Variants in KLF8 observed in about 807,000 individuals in gnomAD.
KLF8 encodes Krueppel-like factor 8.
KLF8 carries 10 observed loss-of-function variants against 18.2 expected under a neutral mutation model. The ratio of observed to expected loss-of-function variants is 0.55; its 90% CI spans 0.34 to 0.93. KLF8 has a LOEUF of 0.93. Ranked by LOEUF, KLF8 falls within the 40% of genes least tolerant of loss-of-function variation. The pLI is 0.02. For missense variants in KLF8, 264 were observed against 277.9 expected (o/e 0.95, Z 0.36); for synonymous variants, 109 against 97.3 (o/e 1.12, Z -0.71).
the KLF8 span, among the ~76,000 whole-genome samples, chrX:56,129,893 C>G: frequency 2.7e-5 from 3 of 110,022 alleles, no homozygotes; most frequent in Non-Finnish European, 5.7e-5. Context: ...CCTGTAACTT[C>G]TAGCTTTCCC....
At chrX:56,057,119 A>G in the KLF8 span, among the ~76,000 whole-genome samples, 5 of 111,207 alleles carry the variant, frequency 4.5e-5, no homozygotes, top group African/African-American at 1.6e-4. Context: ...CCTTTTTTGC[A>G]AGGTTCATGA....
chrX:56,087,354 C>T, the KLF8 span, among the ~76,000 whole-genome samples: 1 of 110,552 alleles, frequency 9.0e-6, no homozygotes, highest in South Asian at 3.9e-4. Context: ...AATGGTTTAG[C>T]CCCATCCCCT....
chrX:55,932,695 C>A, the KLF8 span, among the ~76,000 whole-genome samples: 2 of 111,725 alleles, frequency 1.8e-5, no homozygotes, highest in African/African-American at 6.5e-5. Flanking sequence ...GAACATTGGC[C>A]CCCACTCTCA....
chrX:56,243,355 C>T lies in KLF8; in HGVS notation c.8-6876C>T, dbSNP rs780761168. On this transcript the variant is annotated intron_variant, in intron 1 of 5. Coordinates refer to ENST00000468660, the MANE Select transcript of KLF8 (RefSeq NM_007250.5). ...GTCTTCTTGGCCTTCAAAGCCTTTG[C>T]TTTGGCTTTGACTTTAGGAGGGGCA... 4 of 304,072 alleles carry T rather than the reference C, an allele frequency of 1.3e-5. No individual in the cohort carries two copies. The South Asian group carries it at 1.6e-4, about 12-fold the overall frequency. 25.1% of individuals were successfully genotyped at this position (304,072 alleles called of 1,213,427 possible). A position where few individuals can be genotyped will look rare whatever the true frequency, so the allele number is the denominator to read the frequency against.
At chrX:56,037,945 T>A in the KLF8 span, among the ~76,000 whole-genome samples, 3 of 111,919 alleles carry the variant, frequency 2.7e-5, no homozygotes, top group African/African-American at 9.7e-5. Context: ...TTGTATGCAT[T>A]AACCATCCCA....
chrX:56,148,453 T>A, the KLF8 span, among the ~76,000 whole-genome samples: 11 of 108,368 alleles, frequency 1.0e-4, no homozygotes, highest in African/African-American at 3.3e-4. Context: ...AAAAAAAAAA[T>A]AGAGAAATAC....
chrX:56,084,372 C>T, the KLF8 span, among the ~76,000 whole-genome samples: 1 of 110,660 alleles, frequency 9.0e-6, no homozygotes. Context: ...CATAGTGAGA[C>T]CCTGAAAACA....
chrX:56,033,498 T>C, the KLF8 span, among the ~76,000 whole-genome samples: 1 of 111,488 alleles, frequency 9.0e-6, no homozygotes, highest in South Asian at 3.7e-4. Flanking sequence ...ACATCCCTTC[T>C]ACATACTAAT....
chrX:55,947,044 G>A, the KLF8 span, among the ~76,000 whole-genome samples: 3 of 111,626 alleles, frequency 2.7e-5, no homozygotes, highest in African/African-American at 9.8e-5. Context: ...TGGTGGGACT[G>A]TAAACTAGTT....
chrX:56,200,230 TA>T, the KLF8 span, among the ~76,000 whole-genome samples: 1 of 110,191 alleles, frequency 9.1e-6, no homozygotes. Flanking sequence ...TTAAAGTATT[TA>T]AAAAAGTCTC....
chrX:56,216,722 C>CT, the KLF8 span, among the ~76,000 whole-genome samples: 17 of 109,901 alleles, frequency 1.5e-4, no homozygotes, highest in Non-Finnish European at 2.8e-4. Context: ...AGTGTGGCCC[C>CT]TTCCTTTATC....
At chrX:56,168,422 A>G in the KLF8 span, among the ~76,000 whole-genome samples, 1 of 112,674 alleles carries the variant, frequency 8.9e-6, no homozygotes, top group Non-Finnish European at 1.9e-5. Flanking sequence ...AGATGGAAAG[A>G]TATCCCATGT....
chrX:56,038,375 A>G, the KLF8 span, among the ~76,000 whole-genome samples: 1 of 111,574 alleles, frequency 9.0e-6, no homozygotes, highest in East Asian at 2.8e-4. Context: ...CACTCACCCC[A>G]CACATCACCT....
At chrX:56,272,487 A>T (rs2067070120) in intron 5 of KLF8, among the ~76,000 whole-genome samples, 1 of 111,676 alleles carries the variant, frequency 9.0e-6, no homozygotes, top group Non-Finnish European at 1.9e-5. Flanking sequence ...TTGGGATTAC[A>T]GACGTGAGTC....
chrX:55,964,889 C>A, the KLF8 span, among the ~76,000 whole-genome samples: 9 of 111,499 alleles, frequency 8.1e-5, no homozygotes, highest in Non-Finnish European at 1.7e-4. Flanking sequence ...CCAATAAAGA[C>A]TTCCCAAATT....
At chrX:56,122,145 T>G in the KLF8 span, among the ~76,000 whole-genome samples, 1 of 111,329 alleles carries the variant, frequency 9.0e-6, no homozygotes, top group African/African-American at 3.3e-5. Flanking sequence ...GTATGGGCTG[T>G]GGGAGGGGTG....
the KLF8 span, among the ~76,000 whole-genome samples, chrX:56,193,883 G>A: frequency 1.8e-5 from 2 of 111,535 alleles, no homozygotes; most frequent in African/African-American, 6.5e-5. Flanking sequence ...TTGAAAGAAT[G>A]TATTGGACCT....
At chrX:56,076,869 A>T in the KLF8 span, among the ~76,000 whole-genome samples, 2 of 111,943 alleles carry the variant, frequency 1.8e-5, no homozygotes, top group African/African-American at 6.5e-5. Context: ...TGTGGTTTTG[A>T]TTTGCATTTC....
chrX:55,947,088 A>T, the KLF8 span, among the ~76,000 whole-genome samples: 2 of 111,489 alleles, frequency 1.8e-5, no homozygotes, highest in African/African-American at 6.5e-5. Flanking sequence ...GCGATTCCTC[A>T]GGGATCTAGA....
Sources: allele counts gnomAD v4.1 joint callset (sites outside exome capture counted in the v4.1 genomes callset), GRCh38; gene constraint gnomAD v4.1.1; transcripts MANE v1.5; gene names NCBI Gene and HGNC (gene_info 2026-07-23, HGNC 2026-07-21).